The following HS3ST4 variants were observed in gnomAD, a reference collection of about 807,000 sequenced individuals.
The protein encoded by HS3ST4 is heparan sulfate glucosamine 3-O-sulfotransferase 4.
Under a neutral mutation model 29.2 loss-of-function variants are expected in HS3ST4, and 17 were observed. That is an observed-to-expected ratio of 0.58 (90% confidence interval 0.40 to 0.87). The LOEUF (loss-of-function observed/expected upper bound fraction) is 0.87. HS3ST4 is among the 40% of genes least tolerant of loss of function. The pLI is 0.00. For synonymous variants in HS3ST4, 314 were observed against 285.7 expected, an observed-to-expected ratio of 1.10 and a Z score of -1.00; for missense variants, 627 against 634.5, an observed-to-expected ratio of 0.99 and a Z score of 0.13.
rs546466710 is a variant in HS3ST4, at chr16:25,917,570, T to A, written c.735-218042T>A. ...GGATAGGGAAGCCTTAGGTGGACTA[T>A]GTGGAGTGAGTAAGTGTGTTTTTCT... On this transcript the variant is annotated intron_variant, in intron 1 of 1. Transcript: ENST00000331351. Among the ~76,000 whole-genome samples, 26 of 152,306 alleles carry A rather than the reference T, an allele frequency of 1.7e-4. No homozygotes were observed. In the East Asian group the frequency reaches 5.0e-3, roughly 29 times the overall value.
chr16:25,993,537 A>G (rs1285372941), intron 1 of HS3ST4, among the ~76,000 whole-genome samples: 2 of 151,978 alleles, frequency 1.3e-5, no homozygotes, highest in African/African-American at 4.8e-5. Flanking sequence ...TGGAATTCCT[A>G]TCTAAGCTCC....
intron 1 of HS3ST4, among the ~76,000 whole-genome samples, chr16:25,898,166 C>A (rs1436261579): frequency 6.6e-6 from 1 of 152,224 alleles, no homozygotes; most frequent in Non-Finnish European, 1.5e-5. Flanking sequence ...TTTTGCTTAG[C>A]TTCTATCAAA....
chr16:26,093,481 G>C (rs762886910), intron 1 of HS3ST4, among the ~76,000 whole-genome samples: 1 of 152,154 alleles, frequency 6.6e-6, no homozygotes, highest in Non-Finnish European at 1.5e-5. Context: ...GGTCTGGAGT[G>C]GACCTCCAGC....
intron 1 of HS3ST4, among the ~76,000 whole-genome samples, chr16:25,852,595 T>C (rs1967532711): frequency 6.6e-6 from 1 of 152,048 alleles, no homozygotes; most frequent in Non-Finnish European, 1.5e-5. Flanking sequence ...AAAAGCTCTT[T>C]ATAAGAGCTC....
At chr16:26,011,603 G>A (rs112706215) in intron 1 of HS3ST4, among the ~76,000 whole-genome samples, 3,778 of 151,988 alleles carry the variant, frequency 0.025, 150 homozygotes, top group African/African-American at 0.083. Context: ...ACATGACCAC[G>A]TACAATAAAA....
intron 1 of HS3ST4, among the ~76,000 whole-genome samples, chr16:26,052,886 G>A (rs144945794): frequency 3.7e-4 from 57 of 152,270 alleles, no homozygotes; most frequent in South Asian, 1.5e-3. Context: ...GATCATTCCC[G>A]GTTTAAGGTG....
chr16:25,705,461 C>G (rs532825333), intron 1 of HS3ST4, among the ~76,000 whole-genome samples: 1 of 152,058 alleles, frequency 6.6e-6, no homozygotes, highest in Non-Finnish European at 1.5e-5. Context: ...GTCAGGAGGT[C>G]GAGACCACCC....
intron 1 of HS3ST4, among the ~76,000 whole-genome samples, chr16:25,862,106 C>A (rs1337560474): frequency 2.0e-5 from 3 of 152,118 alleles, no homozygotes; most frequent in Non-Finnish European, 4.4e-5. Context: ...AAGGAGCACA[C>A]AACCTAGATC....
chr16:25,885,098 C>A (rs1204864310), intron 1 of HS3ST4, among the ~76,000 whole-genome samples: 1 of 152,144 alleles, frequency 6.6e-6, no homozygotes, highest in East Asian at 1.9e-4. Context: ...TGCTTTTCAA[C>A]CTTGATGTCC....
chr16:25,747,947 G>T (rs1966695079), intron 1 of HS3ST4, among the ~76,000 whole-genome samples: 1 of 152,148 alleles, frequency 6.6e-6, no homozygotes, highest in South Asian at 2.1e-4. Context: ...TCTGGCAATT[G>T]CACCTGTGAA....
chr16:26,040,679 C>T (rs899465549), intron 1 of HS3ST4, among the ~76,000 whole-genome samples: 6 of 152,016 alleles, frequency 3.9e-5, no homozygotes, highest in Admixed American at 2.0e-4. Context: ...ATCACATTAA[C>T]CTCAGGTTCT....
chr16:25,745,301 C>T (rs546709624), intron 1 of HS3ST4, among the ~76,000 whole-genome samples: 40 of 152,234 alleles, frequency 2.6e-4, no homozygotes, highest in Non-Finnish European at 5.0e-4. Context: ...AGGATCTTGT[C>T]CTCCCATTGA....
intron 1 of HS3ST4, among the ~76,000 whole-genome samples, chr16:25,931,523 T>G (rs1968463650): frequency 6.6e-6 from 1 of 152,250 alleles, no homozygotes; most frequent in East Asian, 1.9e-4. Context: ...TCAGATTCGC[T>G]CTTTATTCCC....
chr16:25,977,751 T>C (rs1968958256), intron 1 of HS3ST4, among the ~76,000 whole-genome samples: 1 of 152,200 alleles, frequency 6.6e-6, no homozygotes, highest in African/African-American at 2.4e-5. Flanking sequence ...GTTTATTCTT[T>C]AATTAAAGCC....
chr16:25,810,401 C>T (rs1193515640), intron 1 of HS3ST4, among the ~76,000 whole-genome samples: 1 of 151,922 alleles, frequency 6.6e-6, no homozygotes, highest in Non-Finnish European at 1.5e-5. Context: ...TAATGAATAT[C>T]CTATGGTGGT....
In HS3ST4 at chr16:26,075,539, C is replaced by T. The variant is rs1898651888; in HGVS notation, c.735-60073C>T. Reference sequence around the variant, plus strand: ...TTCTACTTATGGATCTAACAGGAGCCATGCATACCTCATTGCAGGATGTGG... The same window carrying T: ...TTCTACTTATGGATCTAACAGGAGCTATGCATACCTCATTGCAGGATGTGG... On this transcript the variant is annotated intron_variant, in intron 1 of 1. Coordinates refer to ENST00000331351, the MANE Select transcript of HS3ST4 (RefSeq NM_006040.3). Among the ~76,000 whole-genome samples the T allele has an allele frequency of 2.0e-5, 3 of 152,184 alleles. No homozygotes were observed. The South Asian group carries it at 6.2e-4, about 31-fold the overall frequency.
At chr16:26,133,121 T>C (rs1212850187) in intron 1 of HS3ST4, among the ~76,000 whole-genome samples, 1 of 152,176 alleles carries the variant, frequency 6.6e-6, no homozygotes, top group Non-Finnish European at 1.5e-5. Flanking sequence ...TTCCATTTGG[T>C]CAAATGAAGT....
chr16:25,805,830 A>G (rs1178250889), intron 1 of HS3ST4, among the ~76,000 whole-genome samples: 1 of 151,964 alleles, frequency 6.6e-6, no homozygotes, highest in African/African-American at 2.4e-5. Flanking sequence ...TGCATTAGCT[A>G]TTTTTCCTAA....
intron 1 of HS3ST4, chr16:25,826,020 G>A (rs1967210970): frequency 6.6e-6 from 1 of 152,160 alleles, no homozygotes. Context: ...TTCAGCTTGG[G>A]CACATCCCAC....
Sources: gnomAD v4.1 joint callset for allele counts (sites outside exome capture counted in the v4.1 genomes callset) on GRCh38, gnomAD v4.1.1 for gene constraint, MANE v1.5 for transcripts, NCBI Gene and HGNC (gene_info 2026-07-23, HGNC 2026-07-21) for gene names.